SAMD8: variants seen among roughly 807,000 people sequenced by gnomAD.
The protein encoded by SAMD8 is sterile alpha motif domain containing 8, also known as sphingomyelin synthase-related protein 1.
Under a neutral mutation model 42.0 loss-of-function variants are expected in SAMD8, and 20 were observed. The ratio of observed to expected loss-of-function variants is 0.48; its 90% CI spans 0.34 to 0.69. The LOEUF is 0.69. Ranked by LOEUF, SAMD8 falls within the 30% of genes least tolerant of loss-of-function variation. The probability of loss-of-function intolerance (pLI) is 0.01; values close to 1 mark genes in which losing one functional copy is unlikely to be tolerated. For synonymous variants in SAMD8, 162 were observed against 173.0 expected (o/e 0.94, Z 0.50); for missense variants, 328 against 511.6 (o/e 0.64, Z 3.46).
chr10:75,164,030 G>C (rs1446630129), intron 2 of SAMD8, among the ~76,000 whole-genome samples: 1 of 151,988 alleles, frequency 6.6e-6, no homozygotes, highest in Non-Finnish European at 1.5e-5. Flanking sequence ...ACCAGCCTGG[G>C]CAACAAAGTG....
intron 2 of SAMD8, among the ~76,000 whole-genome samples, chr10:75,161,624 A>G (rs1166586046): frequency 6.6e-6 from 1 of 152,208 alleles, no homozygotes; most frequent in Non-Finnish European, 1.5e-5. Context: ...TCGTGTTTTC[A>G]AGAGAAATAA....
At chr10:75,119,462 T>C (rs1848956605) in intron 1 of SAMD8, among the ~76,000 whole-genome samples, 1 of 152,232 alleles carries the variant, frequency 6.6e-6, no homozygotes, top group African/African-American at 2.4e-5. Flanking sequence ...TTTATACAAA[T>C]AGCACATATT....
At chr10:75,163,232 C>CT (rs1455749627) in intron 2 of SAMD8, among the ~76,000 whole-genome samples, 3 of 151,936 alleles carry the variant, frequency 2.0e-5, no homozygotes, top group Non-Finnish European at 4.4e-5. Flanking sequence ...GCCATGTTTT[C>CT]TTTTTTTAAA....
rs942102239 is a variant in SAMD8 at position 75,129,991 on chromosome 10, A to G, written c.-16+18269A>G. 3.9e-5 allele frequency among the ~76,000 whole-genome samples: 6 copies of G among 152,194 alleles called. 1 individual carries two copies. Among genetic ancestry groups the G allele is most frequent in the Non-Finnish European group, 1.5e-5 (1 of 68,026 alleles). ...AATTGAATCCTGATTTTTGGAGGAA[A>G]CAGAAATAAAATAAATTTGAGGGGC... is the stretch of plus-strand genomic sequence containing the variant. On this transcript the variant is annotated intron_variant, in intron 1 of 5. Transcript: ENST00000542569.
intron 1 of SAMD8, chr10:75,105,934 G>A: frequency 1.4e-6 from 2 of 1,472,452 alleles, no homozygotes; most frequent in South Asian, 2.5e-5. Context: ...CTGGGATGGG[G>A]ACCCAAGTTC....
At chr10:75,164,427 C>T (rs1840629260) in intron 2 of SAMD8, 1 of 751,964 alleles carries the variant, frequency 1.3e-6, no homozygotes, top group Non-Finnish European at 1.6e-6. Flanking sequence ...GTCAGAGAAC[C>T]CTAACTGGGA....
chr10:75,141,886 C>T (rs1840024971), intron 1 of SAMD8, among the ~76,000 whole-genome samples: 1 of 151,722 alleles, frequency 6.6e-6, no homozygotes, highest in African/African-American at 2.4e-5. Context: ...ACCAGAACTT[C>T]TGATGTTTTG....
In SAMD8 at chr10:75,176,433, T is replaced by C; in HGVS notation, c.989T>C (p.Leu330Pro). The C allele has an allele frequency of 1.4e-5, 22 of 1,551,246 alleles. No homozygotes were observed. Among genetic ancestry groups the C allele is most frequent in the Non-Finnish European group, 1.9e-5 (22 of 1,147,122 alleles). ...TTCTTGCACACTTTATCCTGGGTTC[T>C]CAACCTCTTTGGAATCTTCTTCATC... The part of the protein sequence containing the change: ...WNFLHTLSWV[L>P]NLFGIFFILA... The change falls in exon 6 of 6, where the codon CTC becomes CCC. Residue 330 changes from leucine (L) to proline (P), a missense_variant. Leu to Pro is a moderately conservative substitution (Grantham distance 98). Around this residue, in one of 2 missense-constraint regions of SAMD8, gnomAD observed 178 missense variants for 325.6 expected, o/e 0.55. Coordinates refer to ENST00000542569, the MANE Select transcript of SAMD8 (RefSeq NM_001174156.2). The surrounding 1 kb of genome is among the most constrained non-coding windows in gnomAD (Gnocchi z 4.3).
At chr10:75,149,596 A>G (rs1395031312) in intron 1 of SAMD8, among the ~76,000 whole-genome samples, 1 of 152,186 alleles carries the variant, frequency 6.6e-6, no homozygotes, top group Non-Finnish European at 1.5e-5. Context: ...AGTAGTTAGA[A>G]ATACGCTTAA....
rs60024591 is a variant in SAMD8, at chr10:75,148,346, C to CTTTTTT, written c.-15-2148_-15-2143dup. On this transcript the variant is annotated intron_variant, in intron 1 of 5. Coordinates refer to ENST00000542569, the MANE Select transcript of SAMD8 (RefSeq NM_001174156.2). ...GGGAAAGAATGCAGAGCAATACCAGCTTTTTTTTTTTTTTTTTTTTTTTTT... is the reference window on the plus strand; with the variant it reads ...GGGAAAGAATGCAGAGCAATACCAGCTTTTTTTTTTTTTTTTTTTTTTTTTTTTTTT... 1.2e-3 allele frequency among the ~76,000 whole-genome samples: 102 copies of CTTTTTT among 82,558 alleles called. 11 individuals carry two copies. The highest frequency in any genetic ancestry group is 5.3e-3 in the African/African-American group (81 of 15,314). The allele number at this position is 82,558 out of a possible 152,430, so 54.2% of individuals were successfully genotyped here.
chr10:75,119,961 G>A (rs1283952271), intron 1 of SAMD8, among the ~76,000 whole-genome samples: 2 of 152,126 alleles, frequency 1.3e-5, no homozygotes, highest in East Asian at 1.9e-4. Flanking sequence ...CCAGCTACTC[G>A]GGAAGCCGAG....
chr10:75,107,102 G>A (rs1254996318), upstream of SAMD8, among the ~76,000 whole-genome samples: 4 of 152,302 alleles, frequency 2.6e-5, no homozygotes, highest in South Asian at 2.1e-4. Context: ...TTGGGAGGCC[G>A]AGGCAGACAG....
In SAMD8 at chr10:75,177,996, T is replaced by C. The variant is rs1322721782; in HGVS notation, c.*1304T>C. 4 of 152,250 alleles carry C rather than the reference T, an allele frequency of 2.6e-5. No homozygotes were observed. The highest frequency in any genetic ancestry group is 1.3e-4 in the Admixed American group (2 of 15,290). 9.4% of individuals were successfully genotyped at this position (152,250 alleles called of 1,614,324 possible). A position where few individuals can be genotyped will look rare whatever the true frequency, so the allele number is the denominator to read the frequency against. On this transcript the variant is annotated 3_prime_UTR_variant, in exon 6 of 6. Transcript: ENST00000542569. The stretch of plus-strand genomic sequence containing the variant: ...CTTAAGCTGCTTGGAATATTAATTA[T>C]GTAGTTTTTACATTCCATTTTAAAA...
intron 3 of SAMD8, 49 bp from the exon 4 acceptor site, chr10:75,168,492 T>A: frequency 6.3e-7 from 1 of 1,594,648 alleles, no homozygotes; most frequent in Non-Finnish European, 8.6e-7. Flanking sequence ...TGGGGTTTTT[T>A]GGTTTGTTTT....
chr10:75,121,843 C>T (rs567870664), intron 1 of SAMD8, among the ~76,000 whole-genome samples: 1 of 152,230 alleles, frequency 6.6e-6, no homozygotes, highest in Admixed American at 6.5e-5. Flanking sequence ...AGGCATCCAC[C>T]ACTATGCCCA....
chr10:75,100,548 C>T (rs1848095444), intron 1 of SAMD8, among the ~76,000 whole-genome samples: 1 of 152,198 alleles, frequency 6.6e-6, no homozygotes, highest in Non-Finnish European at 1.5e-5. Flanking sequence ...CACTACATTC[C>T]ATGTCTCCTT....
chr10:75,111,553 C>T (rs1271640889), upstream of SAMD8: 2 of 1,246,576 alleles, frequency 1.6e-6, no homozygotes, highest in Admixed American at 4.1e-5. Flanking sequence ...GGGACGATGC[C>T]TGCGCGCAGT....
At position 75,136,055 on chromosome 10, in the gene SAMD8, ACTTTTCTTTT is replaced by A. The variant is rs201624692; in HGVS notation, c.-15-14448_-15-14439del. Reference sequence around the variant, plus strand: ...AAGCTCTTCTGCTGCACTGAGTGCTACTTTTCTTTTCTTTTCTTTTGGTTTTTTTTTGGCT... The same window carrying A: ...AAGCTCTTCTGCTGCACTGAGTGCTACTTTTCTTTTGGTTTTTTTTTGGCT... On this transcript the variant is annotated intron_variant, in intron 1 of 5. Transcript: ENST00000542569. 2.0e-5 allele frequency among the ~76,000 whole-genome samples: 3 copies of A among 152,112 alleles called. No homozygotes were observed. The South Asian group carries it at 6.2e-4, about 32-fold the overall frequency.
At chr10:75,116,930 C>T (rs1045601986) in intron 1 of SAMD8, among the ~76,000 whole-genome samples, 3 of 152,098 alleles carry the variant, frequency 2.0e-5, no homozygotes, top group Non-Finnish European at 4.4e-5. Context: ...CCACCTCAGC[C>T]TCCCCAGTAG....
Sources: allele counts gnomAD v4.1 joint callset (sites outside exome capture counted in the v4.1 genomes callset), GRCh38; gene constraint gnomAD v4.1.1; regional missense constraint gnomAD v4.1.1; non-coding constraint Gnocchi (gnomAD v3.1); transcripts MANE v1.5; gene names NCBI Gene and HGNC (gene_info 2026-07-23, HGNC 2026-07-21).